Variants in ASCC3 observed in about 807,000 individuals in gnomAD.
ASCC3 encodes the protein activating signal cointegrator 1 complex subunit 3.
ASCC3 carries 158 observed loss-of-function variants against 256.3 expected under a neutral mutation model. The observed-to-expected ratio is 0.62, with a 90% CI of 0.54 to 0.70. The LOEUF (loss-of-function observed/expected upper bound fraction) is 0.70, where lower values mean the gene tolerates loss of function less well. Among genes scored for constraint, ASCC3 ranks in the 30% least tolerant of loss-of-function variants. ASCC3 has a pLI of 0.00. For missense variants in ASCC3, 2,259 were observed against 2,626.0 expected (o/e 0.86, Z 3.05); for synonymous variants, 948 against 883.4 (o/e 1.07, Z -1.30).
At chr6:100,553,642 C>T (rs554931656) in intron 36 of ASCC3, among the ~76,000 whole-genome samples, 9 of 151,914 alleles carry the variant, frequency 5.9e-5, no homozygotes, top group Non-Finnish European at 1.0e-4. Context: ...TGACAGTGAT[C>T]GACAACCTAT....
chr6:100,566,368 A>T (rs1184935725), intron 36 of ASCC3, among the ~76,000 whole-genome samples: 1 of 152,096 alleles, frequency 6.6e-6, no homozygotes, highest in Non-Finnish European at 1.5e-5. Flanking sequence ...TGAGATTCGA[A>T]CCCATGTTTC....
intron 13 of ASCC3, among the ~76,000 whole-genome samples, chr6:100,690,121 C>A (rs1777774115): frequency 6.6e-6 from 1 of 151,942 alleles, no homozygotes; most frequent in South Asian, 2.1e-4. Context: ...TGCTTAAGAC[C>A]CTTATATAAA....
intron 14 of ASCC3, among the ~76,000 whole-genome samples, chr6:100,664,542 A>G (rs1036045231): frequency 1.3e-5 from 2 of 152,060 alleles, no homozygotes; most frequent in South Asian, 2.1e-4. Context: ...AAACATAACA[A>G]AAGAGGAGAG....
rs1439692279 is a variant in ASCC3 at position 100,848,710 on chromosome 6, A to C, written c.242-3T>G. ...TTCTCTCCCATTATCAGTTCCAACTATTCAAAGACAAAAGAAACAGTATTA... is the reference window on the plus strand; with the variant it reads ...TTCTCTCCCATTATCAGTTCCAACTCTTCAAAGACAAAAGAAACAGTATTA... On this transcript the variant is annotated splice_polypyrimidine_tract_variant and splice_region_variant and intron_variant, in intron 3 of 41. Transcript: ENST00000369162. 2.5e-6 allele frequency: 4 copies of C among 1,610,376 alleles called. No individual in the cohort carries two copies. Among genetic ancestry groups the C allele is most frequent in the Non-Finnish European group, 3.4e-6 (4 of 1,179,880 alleles).
intron 36 of ASCC3, among the ~76,000 whole-genome samples, chr6:100,549,349 C>T (rs545141845): frequency 4.6e-5 from 7 of 151,986 alleles, no homozygotes; most frequent in South Asian, 2.1e-4. Flanking sequence ...GGCTATTCTA[C>T]GCTGTTTTGA....
intron 4 of ASCC3, among the ~76,000 whole-genome samples, chr6:100,826,092 T>C (rs1022152310): frequency 2.6e-5 from 4 of 151,984 alleles, no homozygotes; most frequent in Non-Finnish European, 5.9e-5. Flanking sequence ...TAATTTTTTT[T>C]CCACATGAAC....
rs71790458 is a variant in ASCC3, at chr6:100,730,412, TATTAACTAAGCTA to T, written c.1738-4722_1738-4710del. Among the ~76,000 whole-genome samples, 867 of 152,318 alleles carry T rather than the reference TATTAACTAAGCTA, an allele frequency of 5.7e-3. 10 individuals are homozygous for T. Among genetic ancestry groups the T allele is most frequent in the African/African-American group, 0.02 (832 of 41,558 alleles). On this transcript the variant is annotated intron_variant, in intron 10 of 41. Transcript: ENST00000369162. ...ATTTAGTTGAAAAATGTTTGGAATC[TATTAACTAAGCTA>T]AAGAGCAACCTTCAAGAATGCTTGC...
intron 4 of ASCC3, among the ~76,000 whole-genome samples, chr6:100,823,572 G>A (rs146314574): frequency 7.2e-5 from 11 of 152,202 alleles, no homozygotes; most frequent in Non-Finnish European, 1.3e-4. Flanking sequence ...ATTATTATCT[G>A]TTAAGGTCTT....
intron 36 of ASCC3, among the ~76,000 whole-genome samples, chr6:100,585,995 G>A (rs1410802394): frequency 6.6e-6 from 1 of 152,158 alleles, no homozygotes; most frequent in South Asian, 2.1e-4. Flanking sequence ...CTCCTACTGG[G>A]GGGTGCCTCC....
At chr6:100,694,487 C>CA (rs1422840319) in intron 13 of ASCC3, among the ~76,000 whole-genome samples, 1 of 151,974 alleles carries the variant, frequency 6.6e-6, no homozygotes, top group Non-Finnish European at 1.5e-5. Context: ...CAATCTCAAT[C>CA]AATCAATCAA....
chr6:100,561,828 A>T lies in ASCC3; in HGVS notation c.5551-21441T>A, dbSNP rs1454788013. Reference sequence around the variant, plus strand: ...TAAATAACAGAAAATACTTAAAAAGATGATATAAAAGACCTAAATCTAAAA... The same window carrying T: ...TAAATAACAGAAAATACTTAAAAAGTTGATATAAAAGACCTAAATCTAAAA... On this transcript the variant is annotated intron_variant, in intron 36 of 41. Coordinates refer to ENST00000369162, the MANE Select transcript of ASCC3 (RefSeq NM_006828.4). Among the ~76,000 whole-genome samples the T allele has an allele frequency of 2.0e-5, 3 of 152,242 alleles. No homozygotes were observed. The South Asian group carries it at 6.2e-4, about 32-fold the overall frequency.
intron 11 of ASCC3, among the ~76,000 whole-genome samples, chr6:100,723,869 T>TA (rs1323039317): frequency 4.7e-4 from 13 of 27,882 alleles, no homozygotes; most frequent in African/African-American, 3.1e-3. Context: ...ATTATATATA[T>TA]ATATATATAT....
intron 30 of ASCC3, among the ~76,000 whole-genome samples, chr6:100,623,990 T>C (rs1562175776): frequency 1.3e-5 from 2 of 151,584 alleles, no homozygotes; most frequent in Non-Finnish European, 2.9e-5. Context: ...GGGGGAGGGA[T>C]AGCATTTGGA....
rs747570359 is a variant in ASCC3, at chr6:100,848,459, C to CA, written c.489dup (p.Gly164TrpfsTer2). On this transcript the variant is annotated frameshift_variant, in exon 4 of 42. Transcript: ENST00000369162. LOFTEE classifies it high-confidence loss of function. Reference sequence around the variant, plus strand: ...TCAAATGAAAATGCTAAATTTTTACCAAAAAAAACCCTATCGCCATGTTCT... The same window carrying CA: ...TCAAATGAAAATGCTAAATTTTTACCAAAAAAAAACCCTATCGCCATGTTCT... 1.4e-5 allele frequency: 22 copies of CA among 1,607,522 alleles called. No individual in the cohort carries two copies. The highest frequency in any genetic ancestry group is 3.4e-5 in the Admixed American group (2 of 58,688).
At chr6:100,547,649 G>A (rs987890072) in intron 36 of ASCC3, among the ~76,000 whole-genome samples, 1 of 152,020 alleles carries the variant, frequency 6.6e-6, no homozygotes, top group Non-Finnish European at 1.5e-5. Flanking sequence ...GCAAGTGTTG[G>A]AGAGAATGGG....
chr6:100,799,653 G>T (rs1370961481), intron 6 of ASCC3, 81 bp from the exon 7 acceptor site: 2 of 1,406,172 alleles, frequency 1.4e-6, no homozygotes, highest in East Asian at 2.4e-5. Context: ...AATTATAAAA[G>T]ATATTGGGAG....
Position 100,655,773 on chromosome 6 carries a change from T to TCCA in ASCC3, c.2746_2748dup (p.Trp916dup). On this transcript the variant is annotated inframe_insertion, in exon 17 of 42. Transcript: ENST00000369162. ...CGTACATAAAGATAAGTGTAACTTA[T>TCCA]CCACTTCACTGCTTCTTCCACATTA... The TCCA allele has an allele frequency of 6.2e-7, 1 of 1,611,876 alleles. No homozygotes were observed. The highest frequency in any genetic ancestry group is 2.2e-5 in the East Asian group (1 of 44,754).
intron 8 of ASCC3, among the ~76,000 whole-genome samples, chr6:100,773,627 T>C (rs1782042277): frequency 6.6e-6 from 1 of 152,168 alleles, no homozygotes; most frequent in East Asian, 1.9e-4. Context: ...TAACCACAAA[T>C]ATTGAAATGA....
At chr6:100,607,463 A>G (rs979404360) in intron 30 of ASCC3, among the ~76,000 whole-genome samples, 2 of 151,946 alleles carry the variant, frequency 1.3e-5, no homozygotes, top group Admixed American at 6.6e-5. Flanking sequence ...AATTTTAAAA[A>G]TACAGACCAA....
Sources: allele counts gnomAD v4.1 joint callset (sites outside exome capture counted in the v4.1 genomes callset), GRCh38; gene constraint gnomAD v4.1.1; transcripts MANE v1.5; gene names NCBI Gene and HGNC (gene_info 2026-07-23, HGNC 2026-07-21).